A4GALT: variants seen among roughly 807,000 people sequenced by gnomAD.
A4GALT encodes the protein lactosylceramide 4-alpha-galactosyltransferase.
For synonymous variants in A4GALT, 257 were observed against 220.7 expected, an observed-to-expected ratio of 1.16 and a Z score of -1.46; for missense variants, 512 against 486.0, an observed-to-expected ratio of 1.05 and a Z score of -0.50.
At chr22:42,706,666 G>A (rs753394559) in intron 1 of A4GALT, among the ~76,000 whole-genome samples, 41 of 151,862 alleles carry the variant, frequency 2.7e-4, no homozygotes, top group Non-Finnish European at 5.4e-4. Context: ...ATGGTGGCAG[G>A]TGCCTGTAGT....
chr22:42,712,386 T>A (rs958410669), intron 1 of A4GALT, among the ~76,000 whole-genome samples: 2 of 152,182 alleles, frequency 1.3e-5, no homozygotes, highest in Non-Finnish European at 2.9e-5. Context: ...GCTGCCTGGA[T>A]GTGGATAAGT....
Position 42,692,679 on chromosome 22 carries a change from G to T in A4GALT, c.*211C>A. On this transcript the variant is annotated 3_prime_UTR_variant, in exon 3 of 3. Transcript: ENST00000642412. This position sits in a 1 kb window ranked among gnomAD's most constrained non-coding sequence, Gnocchi z 4.6. ...CACTGAGCGCCCTCCGCTGGCTATG[G>T]CACCATGTGTCAGCCCTGCCTCGAG... 1 of 706,554 alleles carries T rather than the reference G, an allele frequency of 1.4e-6. No homozygotes were observed. Among genetic ancestry groups the T allele is most frequent in the Non-Finnish European group, 2.5e-6 (1 of 393,048 alleles). The allele number at this position is 706,554 out of a possible 1,614,324, so 43.8% of individuals were successfully genotyped here.
chr22:42,700,032 G>C (rs1931193533), intron 1 of A4GALT, among the ~76,000 whole-genome samples: 1 of 152,222 alleles, frequency 6.6e-6, no homozygotes. Flanking sequence ...GACTAACCCA[G>C]GGGCCTACAC....
At position 42,692,493 on chromosome 22, in the gene A4GALT, C is replaced by T. The variant is rs1373706606; in HGVS notation, c.*397G>A. 2.7e-6 allele frequency: 1 copy of T among 367,538 alleles called. No individual in the cohort carries two copies. The highest frequency in any genetic ancestry group is 7.1e-5 in the East Asian group (1 of 14,178). The allele number at this position is 367,538 out of a possible 1,614,324, so 22.8% of individuals were successfully genotyped here. ...GCCCTGCCACTTTCCTACCAACAGC[C>T]TCCTCTCCTCTCTGGGAATCTTGTC... On this transcript the variant is annotated 3_prime_UTR_variant, in exon 3 of 3. Transcript: ENST00000642412. The surrounding 1 kb of genome is among the most constrained non-coding windows in gnomAD (Gnocchi z 4.6).
rs138221295 is a variant in A4GALT, at chr22:42,705,398, C to G, written c.-187-9767G>C. Among the ~76,000 whole-genome samples the G allele has an allele frequency of 7.3e-4, 110 of 151,648 alleles. 2 individuals carry two copies. Among genetic ancestry groups the G allele is most frequent in the African/African-American group, 2.5e-3 (105 of 41,378 alleles). ...GGTGGATCACTTGAGGTCGGGAGTT[C>G]GAGACCAGCCTGGCCAATAAGGGCG... On this transcript the variant is annotated intron_variant, in intron 1 of 2. Transcript: ENST00000642412.
At chr22:42,711,921 T>A (rs1921733728) in intron 1 of A4GALT, among the ~76,000 whole-genome samples, 1 of 151,790 alleles carries the variant, frequency 6.6e-6, no homozygotes, top group Admixed American at 6.6e-5. Flanking sequence ...CCGTGACTGG[T>A]CTCAGTACGT....
intron 1 of A4GALT, among the ~76,000 whole-genome samples, chr22:42,714,913 G>A (rs5758894): frequency 0.27 from 40,532 of 151,830 alleles, 5,812 homozygotes; most frequent in East Asian, 0.6. Context: ...TTTGCGCTGA[G>A]GCCTGAAGGA....
Position 42,705,957 on chromosome 22 carries a change from G to A in A4GALT, c.-187-10326C>T, listed in dbSNP as rs371526181. Among the ~76,000 whole-genome samples, 47 of 119,892 alleles carry A rather than the reference G, an allele frequency of 3.9e-4. 5 individuals are homozygous for A. Among genetic ancestry groups the A allele is most frequent in the Middle Eastern group, 9.2e-3 (2 of 218 alleles). 78.7% of individuals were successfully genotyped at this position (119,892 alleles called of 152,430 possible). On this transcript the variant is annotated intron_variant, in intron 1 of 2. Coordinates refer to ENST00000642412, the MANE Select transcript of A4GALT (RefSeq NM_017436.7). ...TCATCCCAGCTACTCGGGAGGCTGA[G>A]GCAGGAGAATCGCTTGAACCTGGGA...
At chr22:42,714,223 T>C (rs1031170552) in intron 1 of A4GALT, among the ~76,000 whole-genome samples, 1 of 129,868 alleles carries the variant, frequency 7.7e-6, no homozygotes, top group Non-Finnish European at 1.5e-5. Context: ...TGCAGTGAGC[T>C]ATGCTCATAC....
At chr22:42,697,375 GC>G (rs1931010580) in intron 1 of A4GALT, among the ~76,000 whole-genome samples, 1 of 152,126 alleles carries the variant, frequency 6.6e-6, no homozygotes, top group South Asian at 2.1e-4. Context: ...GGTGCCCCCT[GC>G]CCCTGTCTTT....
intron 1 of A4GALT, among the ~76,000 whole-genome samples, chr22:42,715,044 T>TG (rs11388126): frequency 0.29 from 20,813 of 72,006 alleles, 1,613 homozygotes; most frequent in Middle Eastern, 0.31. Context: ...GTATGTGGGG[T>TG]GGGGGGGTTC....
rs1462912387 is a variant in A4GALT, at chr22:42,692,970, C to T, written c.982G>A (p.Ala328Thr). The T allele has an allele frequency of 1.2e-6, 2 of 1,612,868 alleles. No homozygotes were observed. Among genetic ancestry groups the T allele is most frequent in the South Asian group, 1.1e-5 (1 of 91,084 alleles). The change falls in exon 3 of 3, where the codon GCC (alanine) becomes ACC (threonine). Residue 328 changes from alanine to threonine, a missense_variant. Coordinates refer to ENST00000642412, the MANE Select transcript of A4GALT (RefSeq NM_017436.7). This position sits in a 1 kb window ranked among gnomAD's most constrained non-coding sequence, Gnocchi z 4.6. Reference protein sequence around the residue: ...NKKSQGTRFEATSRALLAQLH... With the variant: ...NKKSQGTRFETTSRALLAQLH... Reference sequence around the variant, plus strand: ...TGGGCCAGCAGTGCCCTGGACGTGGCCTCGAACCGCGTGCCCTGGCTCTTC... The same window carrying T: ...TGGGCCAGCAGTGCCCTGGACGTGGTCTCGAACCGCGTGCCCTGGCTCTTC...
chr22:42,701,376 C>G (rs1381459500), intron 1 of A4GALT, among the ~76,000 whole-genome samples: 1 of 152,114 alleles, frequency 6.6e-6, no homozygotes, highest in Non-Finnish European at 1.5e-5. Flanking sequence ...GACAGGAGCC[C>G]GAGGTGGACC....
chr22:42,701,839 T>C (rs1327120997), intron 1 of A4GALT, among the ~76,000 whole-genome samples: 1 of 152,098 alleles, frequency 6.6e-6, no homozygotes, highest in Non-Finnish European at 1.5e-5. Flanking sequence ...TGCCTGGTAA[T>C]GAAGCCAGCC....
At chr22:42,695,210 CAA>C (rs28915376) in intron 2 of A4GALT, 5,777 of 152,262 alleles carry the variant, frequency 0.038, 202 homozygotes, top group Admixed American at 0.11. Flanking sequence ...CGCTCCATGA[CAA>C]AGTCACACCC....
chr22:42,709,067 A>ATATATTTTT (rs1180529043), intron 1 of A4GALT, among the ~76,000 whole-genome samples: 1 of 128,806 alleles, frequency 7.8e-6, no homozygotes, highest in African/African-American at 2.8e-5. Flanking sequence ...ATATATATAT[A>ATATATTTTT]TTTTTTTTAA....
intron 1 of A4GALT, among the ~76,000 whole-genome samples, chr22:42,718,066 T>A (rs534993946): frequency 2.6e-5 from 4 of 152,308 alleles, no homozygotes; most frequent in African/African-American, 7.2e-5. Context: ...AGAAATTCAA[T>A]GTAACATTAT....
chr22:42,710,357 A>T (rs1380299009), intron 1 of A4GALT, among the ~76,000 whole-genome samples: 1 of 152,174 alleles, frequency 6.6e-6, no homozygotes, highest in African/African-American at 2.4e-5. Flanking sequence ...CCCGCTTACA[A>T]CAACAGTCGC....
At position 42,706,187 on chromosome 22, in the gene A4GALT, C is replaced by G. The variant is rs13056480; in HGVS notation, c.-187-10556G>C. On this transcript the variant is annotated intron_variant, in intron 1 of 2. Coordinates refer to ENST00000642412, the MANE Select transcript of A4GALT (RefSeq NM_017436.7). Reference sequence around the variant, plus strand: ...TGGCTAACACGGTGAAACCCCGTCTCTACTAAAAATACAAAAAATTAGCCA... The same window carrying G: ...TGGCTAACACGGTGAAACCCCGTCTGTACTAAAAATACAAAAAATTAGCCA... 1.5e-5 allele frequency among the ~76,000 whole-genome samples: 2 copies of G among 137,364 alleles called. 1 individual carries two copies. The highest frequency in any genetic ancestry group is 5.2e-5 in the African/African-American group (2 of 38,756). 90.1% of individuals were successfully genotyped at this position (137,364 alleles called of 152,430 possible). A position where few individuals can be genotyped will look rare whatever the true frequency, so the allele number is the denominator to read the frequency against.
Sources: gnomAD v4.1 joint callset for allele counts (sites outside exome capture counted in the v4.1 genomes callset) on GRCh38, gnomAD v4.1.1 for gene constraint, Gnocchi (gnomAD v3.1) non-coding constraint, MANE v1.5 for transcripts, NCBI Gene and HGNC (gene_info 2026-07-23, HGNC 2026-07-21) for gene names.